Variants in MYLK3 observed in about 807,000 individuals in gnomAD.
The protein encoded by MYLK3 is myosin light chain kinase 3, also known as MLC kinase.
MYLK3 carries 55 observed loss-of-function variants against 76.3 expected under a neutral mutation model. That is an observed-to-expected ratio of 0.72 (90% CI 0.58 to 0.90). The LOEUF (loss-of-function observed/expected upper bound fraction) is 0.90, where lower values mean the gene tolerates loss of function less well. MYLK3 is among the 40% of genes least tolerant of loss of function. The probability of loss-of-function intolerance (pLI) is 0.00; values close to 1 mark genes in which losing one functional copy is unlikely to be tolerated. For missense variants in MYLK3, 973 were observed against 1,053.6 expected (o/e 0.92, Z 1.06); for synonymous variants, 416 against 425.4 (o/e 0.98, Z 0.27).
At chr16:46,751,515 C>T (rs1228805901), upstream of MYLK3, among the ~76,000 whole-genome samples, 1 of 152,260 alleles carries the variant, frequency 6.6e-6, no homozygotes, top group Non-Finnish European at 1.5e-5. Context: ...CGGCTGGAAG[C>T]TCCCTGAGGG....
intron 9 of MYLK3, among the ~76,000 whole-genome samples, chr16:46,719,226 C>T (rs1251464829): frequency 6.0e-5 from 9 of 151,244 alleles, no homozygotes; most frequent in Non-Finnish European, 1.2e-4. Context: ...ACTTGGGAAG[C>T]GGAGGCAGGA....
intron 1 of MYLK3, among the ~76,000 whole-genome samples, chr16:46,740,551 A>ATATT (rs1330740991): frequency 8.4e-4 from 108 of 128,360 alleles, no homozygotes; most frequent in East Asian, 4.9e-3. Flanking sequence ...ATATATATAT[A>ATATT]TTTTTTTTTT....
At chr16:46,727,154 G>A (rs2143014432) in intron 8 of MYLK3, 82 bp downstream of exon 8, 1 of 1,485,888 alleles carries the variant, frequency 6.7e-7, no homozygotes, top group Non-Finnish European at 9.2e-7. Flanking sequence ...GGGACTGTCT[G>A]TGGATAGAGC....
intron 3 of MYLK3, among the ~76,000 whole-genome samples, chr16:46,734,903 A>G (rs1366326626): frequency 2.0e-5 from 3 of 152,248 alleles, no homozygotes; most frequent in African/African-American, 7.2e-5. Flanking sequence ...GCACTTTGGG[A>G]GGCTGAGGCA....
intron 1 of MYLK3, among the ~76,000 whole-genome samples, chr16:46,745,856 G>A (rs926074602): frequency 1.3e-5 from 2 of 152,086 alleles, no homozygotes; most frequent in African/African-American, 2.4e-5. Context: ...ATAGAGGCTT[G>A]TAGACACAGC....
Position 46,747,965 on chromosome 16 carries a change from C to CGCCCGG in MYLK3, c.223_228dup (p.Pro75_Gly76dup). On this transcript the variant is annotated inframe_insertion, in exon 1 of 13. Transcript: ENST00000394809. ...TCAATGTGGGGAACCCCATCAGCCC[C>CGCCCGG]GCCCGGGCCCGGTGCCCGGGAGGCC... 1.2e-6 allele frequency: 2 copies of CGCCCGG among 1,613,086 alleles called. No homozygotes were observed. Among genetic ancestry groups the CGCCCGG allele is most frequent in the Middle Eastern group, 1.6e-4 (1 of 6,062 alleles).
At chr16:46,717,860 C>T (rs762288452) in intron 9 of MYLK3, among the ~76,000 whole-genome samples, 8 of 152,240 alleles carry the variant, frequency 5.3e-5, no homozygotes, top group Non-Finnish European at 8.8e-5. Context: ...CTCAGAAAAG[C>T]CTTCCCAGAT....
chr16:46,738,012 G>A lies in MYLK3; in HGVS notation c.700C>T (p.Gln234Ter), dbSNP rs1257966650. The A allele has an allele frequency of 3.7e-6, 6 of 1,613,198 alleles. No homozygotes were observed. The highest frequency in any genetic ancestry group is 3.3e-5 in the Admixed American group (2 of 60,012). The change falls in exon 3 of 13, where the codon CAG becomes TAG. Residue 234 changes from glutamine (Q) to a stop codon, truncating the protein, a stop_gained. Coordinates refer to ENST00000394809, the MANE Select transcript of MYLK3 (RefSeq NM_182493.3). LOFTEE classifies it high-confidence loss of function. The part of the protein sequence containing the change: ...GQGDGVPGPA[Q>*]AFPGHLPLPT... ...AGGGGCAGGTGGCCAGGGAATGCCT[G>A]GGCTGGGCCAGGAACACCATCTCCC...
rs3044832 is a variant in MYLK3 at position 46,758,304 on chromosome 16, ACTCTCTCTCTCTCTCTCT to A, written c.-114+4718_-114+4735del. On this transcript the variant is annotated intron_variant, in intron 1 of 11. Transcript: ENST00000536476. ...CACACACACACACACACACACACAC[ACTCTCTCTCTCTCTCTCT>A]CTCTCTCTCTCTCTCTCTCTCAACT... Among the ~76,000 whole-genome samples, 52 of 87,302 alleles carry A rather than the reference ACTCTCTCTCTCTCTCTCT, an allele frequency of 6.0e-4. 1 individual carries two copies. Among genetic ancestry groups the A allele is most frequent in the Admixed American group, 2.9e-3 (24 of 8,284 alleles). The allele number at this position is 87,302 out of a possible 152,430, so 57.3% of individuals were successfully genotyped here. A position where few individuals can be genotyped will look rare whatever the true frequency, so the allele number is the denominator to read the frequency against.
At chr16:46,739,166 T>G (rs796406349) in intron 2 of MYLK3, among the ~76,000 whole-genome samples, 6 of 152,220 alleles carry the variant, frequency 3.9e-5, no homozygotes, top group African/African-American at 1.4e-4. Context: ...AAAAAAAATT[T>G]CATAGTGATG....
intron 3 of MYLK3, among the ~76,000 whole-genome samples, chr16:46,735,292 G>A (rs908455161): frequency 2.0e-5 from 3 of 152,130 alleles, no homozygotes; most frequent in Non-Finnish European, 2.9e-5. Context: ...CGCAACCTCC[G>A]CCTCCCAGGT....
chr16:46,730,298 G>A (rs1363223700), intron 5 of MYLK3, among the ~76,000 whole-genome samples: 1 of 152,220 alleles, frequency 6.6e-6, no homozygotes, highest in African/African-American at 2.4e-5. Flanking sequence ...ACCTCATGTC[G>A]GCTTTCCGGC....
chr16:46,720,216 ATTAT>A (rs1966785480), intron 9 of MYLK3, among the ~76,000 whole-genome samples: 1 of 152,086 alleles, frequency 6.6e-6, no homozygotes, highest in Admixed American at 6.5e-5. Context: ...TACTTTATTT[ATTAT>A]TTATTTATTT....
intron 1 of MYLK3, among the ~76,000 whole-genome samples, chr16:46,742,068 T>C (rs1178551861): frequency 6.6e-6 from 1 of 152,190 alleles, no homozygotes; most frequent in African/African-American, 2.4e-5. Flanking sequence ...GGTGACAGAA[T>C]TGTTTCCCAT....
At chr16:46,740,843 C>T (rs765873313) in intron 1 of MYLK3, among the ~76,000 whole-genome samples, 5 of 152,176 alleles carry the variant, frequency 3.3e-5, no homozygotes, top group Non-Finnish European at 5.9e-5. Context: ...TGAGCTACCA[C>T]GCCCGGCCAG....
At chr16:46,724,680 C>T (rs895795657) in intron 8 of MYLK3, among the ~76,000 whole-genome samples, 10 of 152,158 alleles carry the variant, frequency 6.6e-5, no homozygotes, top group East Asian at 1.9e-4. Context: ...ATTAGTAATA[C>T]GTTGTTTTGG....
chr16:46,758,467 C>T (rs951609740), intron 1 of MYLK3, among the ~76,000 whole-genome samples: 1 of 152,194 alleles, frequency 6.6e-6, no homozygotes, highest in Non-Finnish European at 1.5e-5. Flanking sequence ...TTGAGACACA[C>T]TGCAGCCCTG....
chr16:46,717,109 A>T (rs1251934234), intron 9 of MYLK3, among the ~76,000 whole-genome samples: 1 of 152,204 alleles, frequency 6.6e-6, no homozygotes, highest in African/African-American at 2.4e-5. Context: ...TTCCATCAGA[A>T]GCTCCAGAGG....
chr16:46,708,622 A>C (rs578142877), intron 12 of MYLK3, among the ~76,000 whole-genome samples: 1 of 152,190 alleles, frequency 6.6e-6, no homozygotes, highest in Non-Finnish European at 1.5e-5. Context: ...GCCTGAGTCA[A>C]ATTTTTGTTG....
Sources: allele counts gnomAD v4.1 joint callset (sites outside exome capture counted in the v4.1 genomes callset), GRCh38; gene constraint gnomAD v4.1.1; transcripts MANE v1.5; gene names NCBI Gene and HGNC (gene_info 2026-07-23, HGNC 2026-07-21).